PPP2R2C: variants seen among roughly 807,000 people sequenced by gnomAD.
The protein encoded by PPP2R2C is protein phosphatase 2 regulatory subunit Bgamma.
Under a neutral mutation model 45.3 loss-of-function variants are expected in PPP2R2C, and 10 were observed. That is an observed-to-expected ratio of 0.22 (90% CI 0.14 to 0.37). The LOEUF (loss-of-function observed/expected upper bound fraction) is 0.37. PPP2R2C is among the 10% of genes least tolerant of loss of function. PPP2R2C has a pLI of 1.00. For synonymous variants in PPP2R2C, 257 were observed against 245.4 expected, an observed-to-expected ratio of 1.05 and a Z score of -0.44; for missense variants, 308 against 619.7, an observed-to-expected ratio of 0.50 and a Z score of 5.34.
Position 6,563,147 on chromosome 4 carries a change from C to T in PPP2R2C, c.-59+413G>A, listed in dbSNP as rs1028440474. ...CGGACCCCGCGCCCGCACCTTCAGC[C>T]GGGCAGCGAGGGGGGGCTCGAGCGC... On this transcript the variant is annotated intron_variant, in intron 1 of 9. Coordinates refer to the PPP2R2C transcript ENST00000506140. This position sits in a 1 kb window ranked among gnomAD's most constrained non-coding sequence, Gnocchi z 5.8. 6.6e-6 allele frequency among the ~76,000 whole-genome samples: 1 copy of T among 152,194 alleles called. No homozygotes were observed. The highest frequency in any genetic ancestry group is 1.5e-5 in the Non-Finnish European group (1 of 68,032).
upstream of PPP2R2C, among the ~76,000 whole-genome samples, chr4:6,475,372 C>T (rs1722107480): frequency 6.6e-6 from 1 of 152,228 alleles, no homozygotes; most frequent in African/African-American, 2.4e-5. Context: ...GTCTCTTCCA[C>T]ATTCAAAAGC....
chr4:6,365,342 C>A (rs1714200680), intron 5 of PPP2R2C, among the ~76,000 whole-genome samples: 1 of 152,242 alleles, frequency 6.6e-6, no homozygotes, highest in African/African-American at 2.4e-5. Context: ...ATCCCAGTTT[C>A]CTTCTCTGTA....
At chr4:6,481,567 A>G (rs1447193056) in intron 2 of PPP2R2C, among the ~76,000 whole-genome samples, 2 of 152,158 alleles carry the variant, frequency 1.3e-5, no homozygotes, top group Non-Finnish European at 2.9e-5. Context: ...CAGCTTTATA[A>G]CAAGTCAATA....
intron 1 of PPP2R2C, among the ~76,000 whole-genome samples, chr4:6,421,897 G>A (rs1719001370): frequency 1.3e-5 from 2 of 152,318 alleles, no homozygotes; most frequent in South Asian, 2.1e-4. Flanking sequence ...ATCTTACTCT[G>A]CCTCCCGATA....
At chr4:6,381,219 C>A in intron 1 of PPP2R2C, 125 bp from the exon 2 acceptor site, 1 of 1,540,562 alleles carries the variant, frequency 6.5e-7, no homozygotes, top group Non-Finnish European at 8.7e-7. Flanking sequence ...GGGCAGGAGG[C>A]AGCAGGGAGC....
intron 1 of PPP2R2C, among the ~76,000 whole-genome samples, chr4:6,444,039 C>T (rs1720296460): frequency 6.6e-6 from 1 of 152,208 alleles, no homozygotes; most frequent in South Asian, 2.1e-4. Context: ...TAGCCTCCTG[C>T]AGCCCTCTGC....
chr4:6,524,327 T>G (rs1042975853), intron 2 of PPP2R2C, among the ~76,000 whole-genome samples: 4 of 152,248 alleles, frequency 2.6e-5, no homozygotes, highest in Non-Finnish European at 4.4e-5. Flanking sequence ...TCCATTTCCA[T>G]GCACTGTCCA....
chr4:6,540,723 T>C lies in PPP2R2C; in HGVS notation c.-58-5346A>G, dbSNP rs112778067. Among the ~76,000 whole-genome samples the C allele has an allele frequency of 8.0e-3, 1,225 of 152,320 alleles. 18 individuals are homozygous for C. The highest frequency in any genetic ancestry group is 0.028 in the African/African-American group (1,150 of 41,522). Reference sequence around the variant, plus strand: ...ATAAGGGCTCCACACATGTGGTTTCTGCATGAAGATGGGTGTGCTCAGAAT... The same window carrying C: ...ATAAGGGCTCCACACATGTGGTTTCCGCATGAAGATGGGTGTGCTCAGAAT... On this transcript the variant is annotated intron_variant, in intron 1 of 9. Transcript: ENST00000506140.
intron 1 of PPP2R2C, among the ~76,000 whole-genome samples, chr4:6,437,554 G>A (rs1719953250): frequency 6.6e-6 from 1 of 152,108 alleles, no homozygotes; most frequent in Non-Finnish European, 1.5e-5. Flanking sequence ...AAATCCTCTA[G>A]GCCCTGCTTC....
At chr4:6,466,107 C>A (rs1721578311) in intron 1 of PPP2R2C, among the ~76,000 whole-genome samples, 1 of 152,204 alleles carries the variant, frequency 6.6e-6, no homozygotes, top group African/African-American at 2.4e-5. Flanking sequence ...GAAAGCATGG[C>A]CCCTGCCTGT....
chr4:6,499,984 T>C (rs1026376108), intron 2 of PPP2R2C, among the ~76,000 whole-genome samples: 4 of 152,156 alleles, frequency 2.6e-5, no homozygotes, highest in African/African-American at 9.7e-5. Flanking sequence ...TATTTGTTGA[T>C]CCATGTATTT....
chr4:6,521,122 T>G (rs979018743), intron 2 of PPP2R2C, among the ~76,000 whole-genome samples: 1 of 152,124 alleles, frequency 6.6e-6, no homozygotes, highest in East Asian at 1.9e-4. Flanking sequence ...ACAGCATCGG[T>G]GGCCACAGCG....
At chr4:6,555,314 C>T (rs1440297129) in intron 1 of PPP2R2C, among the ~76,000 whole-genome samples, 9 of 152,220 alleles carry the variant, frequency 5.9e-5, no homozygotes, top group Non-Finnish European at 1.0e-4. Context: ...ACAGTGGCCA[C>T]GTCTGGGGCT....
chr4:6,511,753 A>G (rs1188131526), intron 2 of PPP2R2C, among the ~76,000 whole-genome samples: 1 of 15,046 alleles, frequency 6.6e-5, no homozygotes, highest in Non-Finnish European at 1.7e-4. Context: ...GGTGATGGCA[A>G]TGGTGGTGGT....
At chr4:6,434,359 CT>C (rs34292067) in intron 1 of PPP2R2C, among the ~76,000 whole-genome samples, 45 of 116,104 alleles carry the variant, frequency 3.9e-4, no homozygotes, top group African/African-American at 1.3e-3. Flanking sequence ...TTTTTCTTTT[CT>C]TTTTTTTTTT....
At chr4:6,562,478 G>C (rs983054356) in intron 1 of PPP2R2C, among the ~76,000 whole-genome samples, 2 of 151,236 alleles carry the variant, frequency 1.3e-5, no homozygotes, top group African/African-American at 4.9e-5. Flanking sequence ...CGGGGGGGGG[G>C]GTTGGATATT....
intron 4 of PPP2R2C, among the ~76,000 whole-genome samples, chr4:6,373,477 C>A (rs2109298512): frequency 6.6e-6 from 1 of 152,334 alleles, no homozygotes; most frequent in South Asian, 2.1e-4. Context: ...CAGCCCTGAC[C>A]AACCCTGAGG....
In PPP2R2C at chr4:6,438,746, T is replaced by C. The variant is rs554590650; in HGVS notation, c.70+33414A>G. 1.6e-4 allele frequency among the ~76,000 whole-genome samples: 25 copies of C among 152,374 alleles called. No homozygotes were observed. In the South Asian group the frequency reaches 5.0e-3, roughly 30 times the overall value. On this transcript the variant is annotated intron_variant, in intron 1 of 8. Coordinates refer to ENST00000382599, the MANE Select transcript of PPP2R2C (RefSeq NM_020416.4). The stretch of plus-strand genomic sequence containing the variant: ...TTGCAGAATGAGAAGTTTCTCAGGA[T>C]GTCTCTATTTCATTAGAGCAGAAAC...
At chr4:6,552,750 T>C (rs950441782) in intron 1 of PPP2R2C, among the ~76,000 whole-genome samples, 1 of 152,186 alleles carries the variant, frequency 6.6e-6, no homozygotes, top group Non-Finnish European at 1.5e-5. Flanking sequence ...GATTAGAATG[T>C]GGACATCTTT....
Sources: gnomAD v4.1 joint callset for allele counts (sites outside exome capture counted in the v4.1 genomes callset) on GRCh38, gnomAD v4.1.1 for gene constraint, Gnocchi (gnomAD v3.1) non-coding constraint, MANE v1.5 for transcripts, NCBI Gene and HGNC (gene_info 2026-07-23, HGNC 2026-07-21) for gene names.